Variants in NMT2 observed in about 807,000 individuals in gnomAD.
NMT2 encodes glycylpeptide N-tetradecanoyltransferase 2.
Under a neutral mutation model 65.4 loss-of-function variants are expected in NMT2, and 35 were observed. The observed-to-expected ratio is 0.54, with a 90% CI of 0.41 to 0.71. The LOEUF (loss-of-function observed/expected upper bound fraction) is 0.71, where lower values mean the gene tolerates loss of function less well. NMT2 is among the 30% of genes least tolerant of loss of function. The pLI is 0.00. For missense variants in NMT2, 489 were observed against 611.3 expected (o/e 0.80, Z 2.11); for synonymous variants, 226 against 231.8 (o/e 0.98, Z 0.23).
At chr10:15,130,848 G>A (rs2131541389) in intron 6 of NMT2, among the ~76,000 whole-genome samples, 1 of 136,168 alleles carries the variant, frequency 7.3e-6, no homozygotes, top group South Asian at 2.3e-4. Context: ...GGAGTGCAAT[G>A]GCGCAATCTT....
chr10:15,160,241 A>G (rs936085945), intron 1 of NMT2, among the ~76,000 whole-genome samples: 1 of 152,194 alleles, frequency 6.6e-6, no homozygotes, highest in Non-Finnish European at 1.5e-5. Context: ...TGCTGTGCAC[A>G]ATAGCTGGAT....
At chr10:15,127,567 A>AAAATAAAT (rs772973798) in intron 8 of NMT2, among the ~76,000 whole-genome samples, 38 of 90,116 alleles carry the variant, frequency 4.2e-4, no homozygotes, top group African/African-American at 6.5e-4. Context: ...AAAAAAAAAA[A>AAAATAAAT]AAATAAATAA....
intron 2 of NMT2, among the ~76,000 whole-genome samples, chr10:15,137,027 C>T (rs1314931687): frequency 1.3e-5 from 2 of 152,146 alleles, no homozygotes; most frequent in East Asian, 3.9e-4. Context: ...TTAGAAGTTT[C>T]AAGAGCCCTT....
Position 15,131,209 on chromosome 10 carries a change from C to T in NMT2, c.720-897G>A, listed in dbSNP as rs187250847. ...CCTGCCAAAATGATTGTAAAACGCA[C>T]GGAGGCTCCAACCCTCTTGTTCTAA... On this transcript the variant is annotated intron_variant, in intron 6 of 11. Transcript: ENST00000378165. 2.7e-3 allele frequency among the ~76,000 whole-genome samples: 410 copies of T among 152,216 alleles called. 1 individual carries two copies. The highest frequency in any genetic ancestry group is 8.1e-3 in the African/African-American group (337 of 41,548).
At chr10:15,119,258 G>A in intron 9 of NMT2, 85 bp downstream of exon 9, 1 of 1,145,564 alleles carries the variant, frequency 8.7e-7, no homozygotes, top group Non-Finnish European at 1.3e-6. Context: ...TGAAATAGAA[G>A]GAAGTGTGTG....
rs1156704712 is a variant in NMT2, at chr10:15,119,470, A to G, written c.1043T>C (p.Ile348Thr). The change falls in exon 9 of 12, where the codon ATC becomes ACC. Residue 348 changes from isoleucine to threonine, a missense_variant. Transcript: ENST00000378165. ...SGLRPMEPKD[I>T]KSVRELINTY... ...GTTGATTAATTCTCGAACTGATTTGATATCTTTTGGTTCCATTGGTCTCAA... is the reference window on the plus strand; with the variant it reads ...GTTGATTAATTCTCGAACTGATTTGGTATCTTTTGGTTCCATTGGTCTCAA... 8.1e-6 allele frequency: 13 copies of G among 1,613,990 alleles called. No individual in the cohort carries two copies. The highest frequency in any genetic ancestry group is 1.3e-5 in the African/African-American group (1 of 74,922).
Position 15,133,336 on chromosome 10 carries a change from A to G in NMT2, c.419T>C (p.Ile140Thr), listed in dbSNP as rs1431545140. The change falls in exon 4 of 12, where the codon ATT becomes ACT. Residue 140 changes from isoleucine (I) to threonine (T), a missense_variant. Ile to Thr is a moderately conservative substitution (Grantham distance 89). Coordinates refer to ENST00000378165, the MANE Select transcript of NMT2 (RefSeq NM_004808.3). ...LDEVITSHGAIEPDKDNVRQE... is the reference protein window; with the variant it reads ...LDEVITSHGATEPDKDNVRQE... ...GCGTACGTTGTCTTTATCTGGTTCA[A>G]TTGCACCATGAGATGTTATGACTTC... 1.9e-6 allele frequency: 3 copies of G among 1,613,800 alleles called. No individual in the cohort carries two copies. Among genetic ancestry groups the G allele is most frequent in the African/African-American group, 1.3e-5 (1 of 74,924 alleles).
chr10:15,138,270 C>CA (rs1846592912), intron 2 of NMT2: 1 of 443,116 alleles, frequency 2.3e-6, no homozygotes, highest in South Asian at 1.6e-5. Context: ...CTTGGCCTCC[C>CA]AAAATGTGGT....
At position 15,108,192 on chromosome 10, in the gene NMT2, T is replaced by G. The variant is rs1845374609; in HGVS notation, c.*1003A>C. 3 of 959,248 alleles carry G rather than the reference T, an allele frequency of 3.1e-6. No individual in the cohort carries two copies. Among genetic ancestry groups the G allele is most frequent in the Non-Finnish European group, 3.7e-6 (3 of 806,538 alleles). 59.4% of individuals were successfully genotyped at this position (959,248 alleles called of 1,614,324 possible). On this transcript the variant is annotated 3_prime_UTR_variant, in exon 12 of 12. Coordinates refer to ENST00000378165, the MANE Select transcript of NMT2 (RefSeq NM_004808.3). ...AGTCGCGGGTACAGGCTCTTTCTTT[T>G]TTTTTTTTTTTGAGACGGAGTCTCA... is the stretch of plus-strand genomic sequence containing the variant.
chr10:15,163,315 TTAAAA>T (rs1476407382), intron 1 of NMT2, among the ~76,000 whole-genome samples: 6 of 152,198 alleles, frequency 3.9e-5, no homozygotes, highest in African/African-American at 1.2e-4. Flanking sequence ...CTTGGTTCTG[TTAAAA>T]TAAAGTGATT....
chr10:15,112,646 C>G, intron 10 of NMT2, 150 bp downstream of exon 10: 1 of 705,284 alleles, frequency 1.4e-6, no homozygotes, highest in African/African-American at 1.8e-5. Flanking sequence ...AAACTCTTAT[C>G]AAAATTCTTC....
intron 2 of NMT2, among the ~76,000 whole-genome samples, chr10:15,140,134 CTGAT>C (rs1346888038): frequency 1.3e-5 from 2 of 151,692 alleles, no homozygotes; most frequent in Non-Finnish European, 1.5e-5. Flanking sequence ...CATTGATTGA[CTGAT>C]TGATTGATTG....
intron 2 of NMT2, among the ~76,000 whole-genome samples, chr10:15,135,905 AAAC>A (rs1317287122): frequency 1.3e-5 from 2 of 150,414 alleles, no homozygotes; most frequent in African/African-American, 4.9e-5. Context: ...GAGAGAGAGA[AAAC>A]AAAGAAAGAG....
At chr10:15,123,865 A>G (rs1846001843) in intron 8 of NMT2, among the ~76,000 whole-genome samples, 1 of 152,216 alleles carries the variant, frequency 6.6e-6, no homozygotes, top group Non-Finnish European at 1.5e-5. Context: ...GTACATAAGG[A>G]AATGAAGCTC....
At chr10:15,167,938 C>A (rs994325499) in intron 1 of NMT2, among the ~76,000 whole-genome samples, 1 of 152,192 alleles carries the variant, frequency 6.6e-6, no homozygotes, top group Non-Finnish European at 1.5e-5. Flanking sequence ...GGCCCGGGAC[C>A]CCCTCGGCGC....
Position 15,135,364 on chromosome 10 carries a change from G to A in NMT2, c.301C>T (p.Leu101=). The change falls in exon 3 of 12, where the codon CTA becomes TTA. Residue 101 remains leucine, a synonymous_variant. Transcript: ENST00000378165. ...CTGGCTGGGCCCTGGCATGCGGATA[G>A]CAGCTCCATTGCTCTCTGGATATCC... ...LQDIQRAMEL[L]SACQGPARNI... The A allele has an allele frequency of 6.2e-7, 1 of 1,614,168 alleles. No individual in the cohort carries two copies. Among genetic ancestry groups the A allele is most frequent in the Admixed American group, 1.7e-5 (1 of 60,032 alleles).
chr10:15,133,457 G>T, intron 3 of NMT2, 94 bp from the exon 4 acceptor site: 1 of 950,230 alleles, frequency 1.1e-6, no homozygotes, highest in Non-Finnish European at 1.7e-6. Context: ...AGTGACATAA[G>T]CAAAATCTGA....
chr10:15,144,706 G>C (rs10796261), intron 1 of NMT2, among the ~76,000 whole-genome samples: 56,169 of 151,710 alleles, frequency 0.37, 12,735 homozygotes, highest in African/African-American at 0.65. Context: ...ACTCCAGCCT[G>C]GGCGACAGAG....
At chr10:15,136,235 AAAGGGAAAGG>A (rs1180551487) in intron 2 of NMT2, among the ~76,000 whole-genome samples, 4 of 147,078 alleles carry the variant, frequency 2.7e-5, no homozygotes, top group East Asian at 4.2e-4. Context: ...AGGGAAAGGG[AAAGGGAAAGG>A]AAGGGAAGGG....
Sources: gnomAD v4.1 joint callset for allele counts (sites outside exome capture counted in the v4.1 genomes callset) on GRCh38, gnomAD v4.1.1 for gene constraint, MANE v1.5 for transcripts, NCBI Gene and HGNC (gene_info 2026-07-23, HGNC 2026-07-21) for gene names.